Variants in CALN1 observed in about 807,000 individuals in gnomAD.
The protein encoded by CALN1 is calneuron 1, also known as calcium-binding protein 8.
In CALN1, 17 loss-of-function variants were observed where a neutral mutation model predicts 30.6. The ratio of observed to expected loss-of-function variants is 0.56; its 90% CI spans 0.38 to 0.83. CALN1 has a LOEUF of 0.83. CALN1 is among the 40% of genes least tolerant of loss of function. The probability of loss-of-function intolerance (pLI) is 0.00; values close to 1 mark genes in which losing one functional copy is unlikely to be tolerated. For synonymous variants in CALN1, 156 were observed against 131.4 expected, an observed-to-expected ratio of 1.19 and a Z score of -1.28; for missense variants, 291 against 354.9, an observed-to-expected ratio of 0.82 and a Z score of 1.45.
chr7:72,210,924 A>G (rs1296610613), intron 3 of CALN1, among the ~76,000 whole-genome samples: 1 of 151,934 alleles, frequency 6.6e-6, no homozygotes, highest in Non-Finnish European at 1.5e-5. Context: ...GGATGGTGGT[A>G]CAAGCTTGTG....
At chr7:71,841,941 C>T (rs1411344705) in intron 5 of CALN1, among the ~76,000 whole-genome samples, 1 of 151,824 alleles carries the variant, frequency 6.6e-6, no homozygotes, top group African/African-American at 2.4e-5. Context: ...GATACCCAAA[C>T]CCCAGCATTG....
intron 1 of CALN1, among the ~76,000 whole-genome samples, chr7:72,418,519 C>T (rs747723914): frequency 1.1e-4 from 17 of 152,162 alleles, no homozygotes; most frequent in Non-Finnish European, 1.9e-4. Flanking sequence ...CTGCACCCTC[C>T]AGGGCTCTGG....
At chr7:71,931,267 CTCT>C (rs1396440040) in intron 5 of CALN1, among the ~76,000 whole-genome samples, 5 of 144,282 alleles carry the variant, frequency 3.5e-5, no homozygotes, top group Non-Finnish European at 7.8e-5. Context: ...GAAAACCATT[CTCT>C]TTTTTTTTTG....
intron 3 of CALN1, among the ~76,000 whole-genome samples, chr7:72,130,741 A>G (rs528609464): frequency 1.3e-5 from 2 of 152,306 alleles, no homozygotes; most frequent in African/African-American, 2.4e-5. Flanking sequence ...CCATTAATGC[A>G]TTATCTATCC....
At chr7:72,143,323 A>T (rs933322681) in intron 3 of CALN1, among the ~76,000 whole-genome samples, 2 of 152,218 alleles carry the variant, frequency 1.3e-5, no homozygotes, top group Non-Finnish European at 2.9e-5. Flanking sequence ...AACTACGTGA[A>T]GAATGCACAA....
At chr7:72,287,243 T>A (rs942930129) in intron 2 of CALN1, among the ~76,000 whole-genome samples, 2 of 152,020 alleles carry the variant, frequency 1.3e-5, no homozygotes, top group Non-Finnish European at 2.9e-5. Context: ...AACTCTATTA[T>A]CCTTCCTGTC....
chr7:72,193,849 C>G (rs368920706), intron 3 of CALN1, among the ~76,000 whole-genome samples: 1 of 152,064 alleles, frequency 6.6e-6, no homozygotes, highest in African/African-American at 2.4e-5. Context: ...CTAAGTGAAG[C>G]GACTCAGGGA....
chr7:71,816,954 C>T (rs747055986), intron 5 of CALN1, among the ~76,000 whole-genome samples: 9 of 152,118 alleles, frequency 5.9e-5, no homozygotes, highest in African/African-American at 1.9e-4. Context: ...GGCAACAGAG[C>T]GAGACTCTGT....
intron 3 of CALN1, among the ~76,000 whole-genome samples, chr7:72,108,553 TA>T (rs1807337061): frequency 6.6e-6 from 1 of 152,240 alleles, no homozygotes; most frequent in Non-Finnish European, 1.5e-5. Context: ...TGACAAACTC[TA>T]ATTCTGGGAA....
chr7:72,478,268 C>T, the CALN1 span, among the ~76,000 whole-genome samples: 3 of 145,770 alleles, frequency 2.1e-5, no homozygotes, highest in African/African-American at 7.5e-5. Context: ...TATATTGCCA[C>T]TGCAATATTT....
At chr7:71,931,031 G>A (rs570638417) in intron 5 of CALN1, among the ~76,000 whole-genome samples, 4 of 152,248 alleles carry the variant, frequency 2.6e-5, no homozygotes, top group African/African-American at 9.6e-5. Context: ...GTGCCAGAAG[G>A]AAAAATCAAG....
At chr7:71,805,566 G>A (rs1045301119) in intron 6 of CALN1, among the ~76,000 whole-genome samples, 7 of 152,086 alleles carry the variant, frequency 4.6e-5, no homozygotes, top group African/African-American at 1.2e-4. Context: ...GTTCTGCCCC[G>A]ATACACCTTA....
chr7:71,892,173 A>G (rs2116888040), intron 5 of CALN1, among the ~76,000 whole-genome samples: 1 of 152,296 alleles, frequency 6.6e-6, no homozygotes, highest in South Asian at 2.1e-4. Flanking sequence ...ATATTTGCTG[A>G]TTTGATAGTC....
intron 5 of CALN1, among the ~76,000 whole-genome samples, chr7:71,882,445 C>T (rs1039275536): frequency 3.9e-5 from 6 of 152,140 alleles, no homozygotes; most frequent in Non-Finnish European, 5.9e-5. Flanking sequence ...CCAGGGGTTA[C>T]GACATGGACA....
At chr7:71,963,981 T>G (rs117068760) in intron 5 of CALN1, among the ~76,000 whole-genome samples, 2 of 152,328 alleles carry the variant, frequency 1.3e-5, no homozygotes, top group East Asian at 3.9e-4. Context: ...ATGTCTTGTT[T>G]TCAATGTCCG....
At chr7:72,216,723 C>G (rs1364573079) in intron 3 of CALN1, among the ~76,000 whole-genome samples, 3 of 152,138 alleles carry the variant, frequency 2.0e-5, no homozygotes, top group Non-Finnish European at 4.4e-5. Flanking sequence ...GTCCCCTGAG[C>G]TCTTTCTCCA....
intron 2 of CALN1, among the ~76,000 whole-genome samples, chr7:72,291,122 C>A (rs1318997419): frequency 6.6e-6 from 1 of 152,122 alleles, no homozygotes; most frequent in Non-Finnish European, 1.5e-5. Flanking sequence ...CAGGATTTCA[C>A]CATGTTGGCC....
chr7:72,398,794 T>C (rs1028116834), intron 2 of CALN1, among the ~76,000 whole-genome samples: 5 of 152,192 alleles, frequency 3.3e-5, no homozygotes, highest in African/African-American at 1.2e-4. Context: ...GTCCTCTGAG[T>C]ATTAGCATTC....
chr7:72,062,339 C>T (rs1442355219), intron 4 of CALN1, among the ~76,000 whole-genome samples: 1 of 151,858 alleles, frequency 6.6e-6, no homozygotes, highest in Non-Finnish European at 1.5e-5. Flanking sequence ...GGTGAAGCCT[C>T]ATCTCTACTA....
Sources: gnomAD v4.1 joint callset for allele counts (sites outside exome capture counted in the v4.1 genomes callset) on GRCh38, gnomAD v4.1.1 for gene constraint, MANE v1.5 for transcripts, NCBI Gene and HGNC (gene_info 2026-07-23, HGNC 2026-07-21) for gene names.